Variants in CRYBG1 observed in about 807,000 individuals in gnomAD.
CRYBG1 encodes the protein beta/gamma crystallin domain-containing protein 1.
A neutral mutation model predicts 189.2 loss-of-function variants in CRYBG1; 139 were observed. The observed-to-expected ratio is 0.73, with a 90% CI of 0.64 to 0.85. The LOEUF (loss-of-function observed/expected upper bound fraction) is 0.85, where lower values mean the gene tolerates loss of function less well. Among genes scored for constraint, CRYBG1 ranks in the 40% least tolerant of loss-of-function variants. CRYBG1 has a pLI of 0.00. For missense variants in CRYBG1, 2,611 were observed against 2,675.8 expected (o/e 0.98, Z 0.53); for synonymous variants, 1,023 against 1,017.1 (o/e 1.01, Z -0.11).
chr6:106,509,529 C>CGCA (rs951706691), intron 2 of CRYBG1, among the ~76,000 whole-genome samples: 15 of 152,284 alleles, frequency 9.9e-5, no homozygotes, highest in African/African-American at 3.4e-4. Context: ...ATTGGTTCAT[C>CGCA]GCAGCAGCAG....
intron 11 of CRYBG1, 138 bp from the exon 12 acceptor site, chr6:106,544,433 A>C (rs1225696593): frequency 7.1e-5 from 72 of 1,009,636 alleles, no homozygotes; most frequent in Non-Finnish European, 9.7e-5. Flanking sequence ...CTAAATTTTA[A>C]AGAATTCCAA....
intron 10 of CRYBG1, 35 bp downstream of exon 10, chr6:106,541,656 A>G: frequency 7.0e-7 from 1 of 1,423,150 alleles, no homozygotes; most frequent in Non-Finnish European, 9.8e-7. Flanking sequence ...ATGTATGTAT[A>G]TGTAATTATT....
intron 20 of CRYBG1, 132 bp downstream of exon 20, chr6:106,561,632 G>GT (rs1478819101): frequency 2.8e-5 from 32 of 1,162,402 alleles, no homozygotes; most frequent in Non-Finnish European, 3.9e-5. Flanking sequence ...AAATGAATTT[G>GT]TTTTTTTCAT....
At chr6:106,460,160 T>G (rs575117471) in intron 2 of CRYBG1, among the ~76,000 whole-genome samples, 1,711 of 152,084 alleles carry the variant, frequency 0.011, 33 homozygotes, top group African/African-American at 0.039. Context: ...CTAATTTTTT[T>G]TTTTGTATTT....
chr6:106,483,402 A>ATATATATATATATGTATATATAT (rs1361096436), intron 2 of CRYBG1, among the ~76,000 whole-genome samples: 2 of 88,308 alleles, frequency 2.3e-5, no homozygotes, highest in Non-Finnish European at 5.8e-5. Flanking sequence ...ATATATATAT[A>ATATATATATATATGTATATATAT]AAACATTTTC....
chr6:106,396,738 G>A (rs1240819772), intron 1 of CRYBG1, among the ~76,000 whole-genome samples: 2 of 152,234 alleles, frequency 1.3e-5, no homozygotes, highest in Non-Finnish European at 2.9e-5. Context: ...CTGGGGTGCA[G>A]TGGCATGATC....
chr6:106,469,047 C>T (rs549933708), intron 2 of CRYBG1, among the ~76,000 whole-genome samples: 5 of 152,322 alleles, frequency 3.3e-5, no homozygotes, highest in South Asian at 4.1e-4. Flanking sequence ...ACAGGCCCTG[C>T]GTGGCCTGGC....
intron 2 of CRYBG1, among the ~76,000 whole-genome samples, chr6:106,498,733 G>A (rs2114505431): frequency 6.6e-6 from 1 of 152,180 alleles, no homozygotes; most frequent in South Asian, 2.1e-4. Context: ...AATTAGCCAG[G>A]CGTGATGGTG....
chr6:106,500,659 A>G (rs1021254626), intron 2 of CRYBG1, among the ~76,000 whole-genome samples: 3 of 152,070 alleles, frequency 2.0e-5, no homozygotes, highest in Admixed American at 6.5e-5. Flanking sequence ...GAAGCTTTTT[A>G]GTTTGATACA....
chr6:106,547,671 C>G (rs1774296908), intron 13 of CRYBG1, among the ~76,000 whole-genome samples: 1 of 152,090 alleles, frequency 6.6e-6, no homozygotes, highest in South Asian at 2.1e-4. Context: ...CATGCATTGT[C>G]AGAAAAAAAC....
chr6:106,404,434 G>A (rs1272403844), intron 1 of CRYBG1, among the ~76,000 whole-genome samples: 2 of 152,102 alleles, frequency 1.3e-5, no homozygotes, highest in Non-Finnish European at 1.5e-5. Context: ...AAATTGAGGT[G>A]TATGAATTTC....
At chr6:106,473,016 TCTTA>T (rs1772267181) in intron 2 of CRYBG1, among the ~76,000 whole-genome samples, 1 of 152,358 alleles carries the variant, frequency 6.6e-6, no homozygotes, top group East Asian at 1.9e-4. Context: ...ACCTGTCATT[TCTTA>T]CTTTTGTCAG....
intron 1 of CRYBG1, among the ~76,000 whole-genome samples, chr6:106,369,244 AAC>A (rs561559622): frequency 6.6e-5 from 10 of 152,204 alleles, no homozygotes; most frequent in Non-Finnish European, 1.5e-4. Flanking sequence ...ACCCATAGCT[AAC>A]ACACACAAAA....
rs533984443 is a variant in CRYBG1 at position 106,521,245 on chromosome 6, G to A, written c.4037G>A (p.Arg1346Gln). The A allele has an allele frequency of 8.1e-5, 131 of 1,613,966 alleles. 1 individual carries two copies. The Middle Eastern group carries it at 1.3e-3, about 16-fold the overall frequency. ...AAAACCAAAGAAGATCTGGATTCACGAAGCAACCTACACTTGCCAGAAACT... is the reference window on the plus strand; with the variant it reads ...AAAACCAAAGAAGATCTGGATTCACAAAGCAACCTACACTTGCCAGAAACT... ...KEKTKEDLDS[R>Q]SNLHLPETKF... The change falls in exon 4 of 22, where the codon CGA becomes CAA. Residue 1346 changes from arginine to glutamine, a missense_variant. Physicochemically the swap from Arg to Gln is conservative, Grantham distance 43. Transcript: ENST00000633556.
At chr6:106,391,478 G>T (rs72947654) in intron 1 of CRYBG1, among the ~76,000 whole-genome samples, 23,156 of 151,934 alleles carry the variant, frequency 0.15, 2,234 homozygotes, top group Middle Eastern at 0.26. Flanking sequence ...TAATGATGTT[G>T]GACAACTTTT....
chr6:106,493,814 G>T (rs116727457), intron 2 of CRYBG1, among the ~76,000 whole-genome samples: 1 of 152,080 alleles, frequency 6.6e-6, no homozygotes, highest in Non-Finnish European at 1.5e-5. Flanking sequence ...CAGGGGAGGG[G>T]AAGGGAGAGA....
chr6:106,383,093 G>T (rs1015843774), intron 1 of CRYBG1, among the ~76,000 whole-genome samples: 4 of 152,110 alleles, frequency 2.6e-5, no homozygotes, highest in Admixed American at 2.6e-4. Context: ...TGGAGGTAGT[G>T]AGTTCAACTT....
intron 17 of CRYBG1, among the ~76,000 whole-genome samples, chr6:106,557,411 T>TA (rs111992244): frequency 0.011 from 1,652 of 149,152 alleles, 32 homozygotes; most frequent in African/African-American, 0.036. Context: ...TGCTTTTATT[T>TA]TTTTTTTTTT....
intron 8 of CRYBG1, among the ~76,000 whole-genome samples, chr6:106,538,299 G>C (rs1242469557): frequency 6.6e-6 from 1 of 152,182 alleles, no homozygotes. Flanking sequence ...TAGTAGGCAT[G>C]GTTTTCTGGT....
Sources: gnomAD v4.1 joint callset for allele counts (sites outside exome capture counted in the v4.1 genomes callset) on GRCh38, gnomAD v4.1.1 for gene constraint, MANE v1.5 for transcripts, NCBI Gene and HGNC (gene_info 2026-07-23, HGNC 2026-07-21) for gene names.